The following SYNE1 variants were observed in gnomAD, a reference collection of about 807,000 sequenced individuals.
SYNE1 encodes nesprin-1.
A neutral mutation model predicts 1,111.0 loss-of-function variants in SYNE1; 616 were observed. The ratio of observed to expected loss-of-function variants is 0.55; its 90% confidence interval spans 0.52 to 0.59. The LOEUF (loss-of-function observed/expected upper bound fraction) is 0.59. SYNE1 is among the 20% of genes least tolerant of loss of function. SYNE1 has a pLI of 0.00. For synonymous variants in SYNE1, 3,855 were observed against 3,825.8 expected, an observed-to-expected ratio of 1.01 and a Z score of -0.28; for missense variants, 10,006 against 10,417.0, an observed-to-expected ratio of 0.96 and a Z score of 1.72.
Position 152,148,040 on chromosome 6 carries a change from C to A in SYNE1, c.24976+5G>T. ...AGCTGGCAAACTGGAGAGGCTCTTT[C>A]CTACCTGATAAGCCAACAGCTCCCC... is the stretch of plus-strand genomic sequence containing the variant. On this transcript the variant is annotated splice_donor_5th_base_variant and intron_variant, in intron 137 of 145. Transcript: ENST00000367255. This position sits in a 1 kb window ranked among gnomAD's most constrained non-coding sequence, Gnocchi z 4.1. 4 of 1,613,470 alleles carry A rather than the reference C, an allele frequency of 2.5e-6. No homozygotes were observed. Among genetic ancestry groups the A allele is most frequent in the Non-Finnish European group, 2.5e-6 (3 of 1,179,796 alleles).
chr6:152,344,215 A>G lies in SYNE1; in HGVS notation c.12091T>C (p.Leu4031=). 6.2e-7 allele frequency: 1 copy of G among 1,614,156 alleles called. No individual in the cohort carries two copies. Among genetic ancestry groups the G allele is most frequent in the Non-Finnish European group, 8.5e-7 (1 of 1,180,014 alleles). The change falls in exon 74 of 146, where the codon TTG becomes CTG. Residue 4031 remains leucine, a synonymous_variant. Transcript: ENST00000367255. ...CSTAQRMYQS[L]EHELQKHVSR... ...ACGTGCTTCTGAAGTTCGTGTTCCA[A>G]ACTCTGGTACATCTGAGACAATACA...
chr6:152,436,413 T>C (rs573726036), intron 32 of SYNE1, among the ~76,000 whole-genome samples: 71 of 152,236 alleles, frequency 4.7e-4, no homozygotes, highest in African/African-American at 1.5e-3. Context: ...ATGATTTTCC[T>C]ACCTCAACCT....
At chr6:152,500,859 G>A (rs1444429720) in intron 10 of SYNE1, among the ~76,000 whole-genome samples, 3 of 151,096 alleles carry the variant, frequency 2.0e-5, no homozygotes, top group African/African-American at 7.3e-5. Context: ...GCTGAGGCAG[G>A]AGAATGGCAT....
At chr6:152,602,694 C>T (rs1284173966) in intron 3 of SYNE1, among the ~76,000 whole-genome samples, 2 of 152,110 alleles carry the variant, frequency 1.3e-5, no homozygotes, top group Admixed American at 6.6e-5. Flanking sequence ...GGTATAAATA[C>T]AGATTTCTTG....
chr6:152,430,682 G>A lies in SYNE1; in HGVS notation c.4489C>T (p.Leu1497Phe), dbSNP rs1483219484. 6.2e-7 allele frequency: 1 copy of A among 1,614,044 alleles called. No individual in the cohort carries two copies. The highest frequency in any genetic ancestry group is 1.7e-5 in the Admixed American group (1 of 60,006). The change falls in exon 35 of 146, where the codon CTC becomes TTC. Residue 1497 changes from leucine (L) to phenylalanine (F), a missense_variant. Physicochemically the swap from Leu to Phe is conservative, Grantham distance 22 (BLOSUM62 0). Coordinates refer to ENST00000367255, the MANE Select transcript of SYNE1 (RefSeq NM_182961.4). ...TCTTCTAATCCTACAATGCTGCTGAGCTTACTTTCTATTTCCTGAATTGTG... is the reference window on the plus strand; with the variant it reads ...TCTTCTAATCCTACAATGCTGCTGAACTTACTTTCTATTTCCTGAATTGTG... ...KVTIQEIESK[L>F]SSIVGLEEEA...
rs1036596242 is a variant in SYNE1, at chr6:152,239,680, A to G, written c.19920T>C (p.His6640=). The G allele has an allele frequency of 5.0e-6, 8 of 1,614,208 alleles. No individual in the cohort carries two copies. Among genetic ancestry groups the G allele is most frequent in the South Asian group, 1.1e-5 (1 of 91,086 alleles). ...TGAAGAGTGTTTCAGTCAAGATCATATGAGATTCCAGGCCCTGAAAGTATT... is the reference window on the plus strand; with the variant it reads ...TGAAGAGTGTTTCAGTCAAGATCATGTGAGATTCCAGGCCCTGAAAGTATT... ...HKEYFQGLES[H]MILTETLFRK... Residue 6640 remains histidine, a synonymous_variant, in exon 108 of 146, where the codon CAT becomes CAC. Transcript: ENST00000367255.
intron 66 of SYNE1, among the ~76,000 whole-genome samples, chr6:152,356,153 G>C (rs2096833515): frequency 6.6e-6 from 1 of 151,578 alleles, no homozygotes. Context: ...GATCTTGTGG[G>C]CCATAGGTCT....
At position 152,395,708 on chromosome 6, in the gene SYNE1, T is replaced by C. The variant is rs547482319; in HGVS notation, c.7557-37A>G. On this transcript the variant is annotated intron_variant, in intron 50 of 145. Coordinates refer to ENST00000367255, the MANE Select transcript of SYNE1 (RefSeq NM_182961.4). ...AAAATGCCTTAGAGAAATTCTTACATGCTTGTTATGATAAATTACTTTTAA... is the reference window on the plus strand; with the variant it reads ...AAAATGCCTTAGAGAAATTCTTACACGCTTGTTATGATAAATTACTTTTAA... 2.5e-5 allele frequency: 40 copies of C among 1,609,668 alleles called. No homozygotes were observed. In the East Asian group the frequency reaches 7.6e-4, roughly 31 times the overall value.
chr6:152,197,884 G>A (rs2635464), intron 127 of SYNE1, among the ~76,000 whole-genome samples: 14,023 of 152,144 alleles, frequency 0.092, 822 homozygotes, highest in African/African-American at 0.12. Context: ...TTTCTCTGAA[G>A]CTTTCGAGCC....
chr6:152,269,815 G>T (rs553059166), intron 98 of SYNE1, among the ~76,000 whole-genome samples: 1 of 152,226 alleles, frequency 6.6e-6, no homozygotes, highest in Admixed American at 6.5e-5. Context: ...TAATGTCTTT[G>T]AGAAGCAAAA....
chr6:152,432,898 G>A lies in SYNE1; in HGVS notation c.4461+897C>T, dbSNP rs142861515. On this transcript the variant is annotated intron_variant, in intron 34 of 145. Transcript: ENST00000367255. ...ACTGTGTATATGAAACTCCATGTAT[G>A]CTTGATTGCAAAAGATGTGTGAGAA... Among the ~76,000 whole-genome samples, 386 of 152,194 alleles carry A rather than the reference G, an allele frequency of 2.5e-3. 1 individual carries two copies. Among genetic ancestry groups the A allele is most frequent in the African/African-American group, 9.1e-3 (376 of 41,538 alleles).
chr6:152,481,418 C>T, intron 14 of SYNE1: 1 of 280,864 alleles, frequency 3.6e-6, no homozygotes, highest in Non-Finnish European at 7.2e-6. Flanking sequence ...TCTAAGTTGA[C>T]TTCTTTAGTA....
intron 127 of SYNE1, among the ~76,000 whole-genome samples, chr6:152,195,837 G>T (rs1221928762): frequency 9.3e-6 from 1 of 108,038 alleles, no homozygotes; most frequent in Admixed American, 8.1e-5. Flanking sequence ...TTTGGTCAAG[G>T]CCCTAGGCCA....
intron 3 of SYNE1, among the ~76,000 whole-genome samples, chr6:152,574,111 T>C (rs2099485849): frequency 6.6e-6 from 1 of 151,290 alleles, no homozygotes; most frequent in African/African-American, 2.4e-5. Flanking sequence ...ATGGAGAAAA[T>C]GGGCCAAATC....
At chr6:152,212,546 T>G (rs2077720235) in intron 123 of SYNE1, among the ~76,000 whole-genome samples, 1 of 152,170 alleles carries the variant, frequency 6.6e-6, no homozygotes, top group East Asian at 1.9e-4. Flanking sequence ...ATTTGGGTTG[T>G]CTCCACCTTT....
chr6:152,517,685 T>G (rs1295584693), intron 6 of SYNE1, among the ~76,000 whole-genome samples: 1 of 152,186 alleles, frequency 6.6e-6, no homozygotes, highest in African/African-American at 2.4e-5. Context: ...TGAACTGATG[T>G]GGGATGATTT....
intron 10 of SYNE1, among the ~76,000 whole-genome samples, chr6:152,502,033 T>C (rs924103413): frequency 2.0e-5 from 3 of 152,158 alleles, no homozygotes; most frequent in Admixed American, 1.3e-4. Flanking sequence ...AGGTTCTCTC[T>C]AGAAGGTCAA....
chr6:152,358,156 G>T (rs1189360108), intron 66 of SYNE1, among the ~76,000 whole-genome samples: 2 of 152,164 alleles, frequency 1.3e-5, no homozygotes, highest in Non-Finnish European at 2.9e-5. Flanking sequence ...TCCCCCAAGT[G>T]CTAGTCCTGT....
chr6:152,357,054 TTTGGAGGCAGGA>T (rs1286997288), intron 66 of SYNE1, among the ~76,000 whole-genome samples: 1 of 152,204 alleles, frequency 6.6e-6, no homozygotes, highest in Non-Finnish European at 1.5e-5. Context: ...GATCCTACTC[TTTGGAGGCAGGA>T]TGGATGAGAC....
Sources: allele counts gnomAD v4.1 joint callset (sites outside exome capture counted in the v4.1 genomes callset), GRCh38; gene constraint gnomAD v4.1.1; non-coding constraint Gnocchi (gnomAD v3.1); transcripts MANE v1.5; gene names NCBI Gene and HGNC (gene_info 2026-07-23, HGNC 2026-07-21).